Variants in ITGAL observed in about 807,000 individuals in gnomAD.
ITGAL encodes integrin alpha-L.
A neutral mutation model predicts 138.4 loss-of-function variants in ITGAL; 68 were observed. The observed-to-expected ratio is 0.49, with a 90% CI of 0.40 to 0.60. The LOEUF is 0.60. ITGAL is among the 20% of genes least tolerant of loss of function. The probability of loss-of-function intolerance (pLI) is 0.00; values close to 1 mark genes in which losing one functional copy is unlikely to be tolerated. For synonymous variants in ITGAL, 561 were observed against 584.3 expected, an observed-to-expected ratio of 0.96 and a Z score of 0.57; for missense variants, 1,256 against 1,478.6, an observed-to-expected ratio of 0.85 and a Z score of 2.47.
chr16:30,483,355 T>C (rs1289772892), intron 7 of ITGAL, among the ~76,000 whole-genome samples: 1 of 152,150 alleles, frequency 6.6e-6, no homozygotes, highest in Non-Finnish European at 1.5e-5. Context: ...TTCACTGCTA[T>C]GGTAGAGATC....
At position 30,522,307 on chromosome 16, in the gene ITGAL, T is replaced by G. The variant is rs2051265531; in HGVS notation, c.*642T>G. 6.6e-6 allele frequency: 1 copy of G among 152,596 alleles called. No individual in the cohort carries two copies. The highest frequency in any genetic ancestry group is 2.1e-4 in the South Asian group (1 of 4,822). 9.5% of individuals were successfully genotyped at this position (152,596 alleles called of 1,614,324 possible). A position where few individuals can be genotyped will look rare whatever the true frequency, so the allele number is the denominator to read the frequency against. On this transcript the variant is annotated 3_prime_UTR_variant, in exon 31 of 31. Transcript: ENST00000356798. The surrounding 1 kb of genome is among the most constrained non-coding windows in gnomAD (Gnocchi z 4.0). ...CAGGCTCCTTCCTGTCTTCCTGCATTCACCCAGACAGCTCCCTCTGCCTGA... is the reference window on the plus strand; with the variant it reads ...CAGGCTCCTTCCTGTCTTCCTGCATGCACCCAGACAGCTCCCTCTGCCTGA...
chr16:30,517,988 A>G, intron 28 of ITGAL, 93 bp downstream of exon 28: 1 of 973,572 alleles, frequency 1.0e-6, no homozygotes, highest in South Asian at 1.3e-5. Context: ...GTCTGCCTCC[A>G]TTTTTGTTTT....
At position 30,505,293 on chromosome 16, in the gene ITGAL, C is replaced by T; in HGVS notation, c.2285C>T (p.Thr762Ile). Residue 762 changes from threonine to isoleucine, a missense_variant, in exon 19 of 31, where the codon ACC becomes ATC. By Grantham distance (89) the Thr-to-Ile change is moderately conservative. This residue lies in a region of ITGAL where 867 missense variants were observed against 972.5 expected (regional missense o/e 0.89). Transcript: ENST00000356798. Reference sequence around the variant, plus strand: ...CTGAGACCCTCCCTGCACTCGGAAACCTGGGAGGTAAGAGGGGAGAAGGGG... The same window carrying T: ...CTGAGACCCTCCCTGCACTCGGAAATCTGGGAGGTAAGAGGGGAGAAGGGG... Reference protein sequence around the residue: ...PILRPSLHSETWEIPFEKNCG... With the variant: ...PILRPSLHSEIWEIPFEKNCG... 1.2e-6 allele frequency: 2 copies of T among 1,612,884 alleles called. No homozygotes were observed. Among genetic ancestry groups the T allele is most frequent in the Non-Finnish European group, 1.7e-6 (2 of 1,179,430 alleles).
intron 21 of ITGAL, 117 bp downstream of exon 21, chr16:30,506,973 G>C (rs1201761384): frequency 1.8e-6 from 2 of 1,108,672 alleles, no homozygotes; most frequent in Non-Finnish European, 2.6e-6. Context: ...GTGGACAGGG[G>C]TCTTAGGGTC....
chr16:30,519,520 T>G (rs1292494057), intron 29 of ITGAL, among the ~76,000 whole-genome samples: 4 of 152,050 alleles, frequency 2.6e-5, no homozygotes, highest in Non-Finnish European at 5.9e-5. Flanking sequence ...AGGGCAGGTT[T>G]GAAGAGCAGG....
chr16:30,493,375 G>A (rs539644467), intron 11 of ITGAL, among the ~76,000 whole-genome samples: 1 of 151,786 alleles, frequency 6.6e-6, no homozygotes, highest in African/African-American at 2.4e-5. Context: ...CCCCTCCCAG[G>A]TTCACATTCT....
intron 21 of ITGAL, among the ~76,000 whole-genome samples, chr16:30,507,980 C>T (rs1278731996): frequency 2.0e-5 from 3 of 152,034 alleles, no homozygotes; most frequent in African/African-American, 7.2e-5. Flanking sequence ...GCGATCTCGG[C>T]TCACTGCAAA....
chr16:30,481,011 A>G, intron 6 of ITGAL: 1 of 179,694 alleles, frequency 5.6e-6, no homozygotes, highest in Non-Finnish European at 1.2e-5. Flanking sequence ...AAGAAGAAGT[A>G]GAGTTTGGGG....
In ITGAL at chr16:30,512,285, G is replaced by A. The variant is rs542703986; in HGVS notation, c.2786+1149G>A. On this transcript the variant is annotated intron_variant, in intron 24 of 30. Coordinates refer to ENST00000356798, the MANE Select transcript of ITGAL (RefSeq NM_002209.3). The stretch of plus-strand genomic sequence containing the variant: ...AAAAAAACCTGTTACAGGTCTTCTC[G>A]CTTATAGAAAAGGAAACTTGGCCAG... Among the ~76,000 whole-genome samples the A allele has an allele frequency of 3.9e-5, 6 of 152,106 alleles. No individual in the cohort carries two copies. The South Asian group carries it at 1.0e-3, about 26-fold the overall frequency.
At chr16:30,490,582 C>G (rs1018129704) in intron 11 of ITGAL, among the ~76,000 whole-genome samples, 6 of 152,166 alleles carry the variant, frequency 3.9e-5, no homozygotes, top group African/African-American at 1.4e-4. Context: ...TGCCTACTCC[C>G]TCTTGGAACT....
chr16:30,505,271 A>G lies in ITGAL; in HGVS notation c.2263A>G (p.Arg755Gly). The G allele has an allele frequency of 6.2e-7, 1 of 1,611,804 alleles. No individual in the cohort carries two copies. Among genetic ancestry groups the G allele is most frequent in the Non-Finnish European group, 8.5e-7 (1 of 1,179,002 alleles). The change falls in exon 19 of 31, where the codon AGA (arginine) becomes GGA (glycine). Residue 755 changes from arginine (R) to glycine (G), a missense_variant. Coordinates refer to ENST00000356798, the MANE Select transcript of ITGAL (RefSeq NM_002209.3). Reference protein sequence around the residue: ...AQGKDIPPILRPSLHSETWEI... With the variant: ...AQGKDIPPILGPSLHSETWEI... ...GGGCAAGGACATACCGCCCATCCTG[A>G]GACCCTCCCTGCACTCGGAAACCTG... is the stretch of plus-strand genomic sequence containing the variant.
intron 21 of ITGAL, among the ~76,000 whole-genome samples, chr16:30,507,986 G>A (rs1017508235): frequency 6.6e-6 from 1 of 151,802 alleles, no homozygotes; most frequent in Non-Finnish European, 1.5e-5. Context: ...TCGGCTCACT[G>A]CAAACTCCAC....
In ITGAL at chr16:30,523,137, A is replaced by AAGCACAGTGCCT. The variant is rs1355815403; in HGVS notation, c.*1473_*1484dup. The stretch of plus-strand genomic sequence containing the variant: ...TCTGCTAACTTGGAGCCCCAGTGCC[A>AAGCACAGTGCCT]AGCACAGTGCCTGCATGTATTTATC... On this transcript the variant is annotated 3_prime_UTR_variant, in exon 31 of 31. Transcript: ENST00000356798. 6.6e-6 allele frequency: 1 copy of AAGCACAGTGCCT among 152,306 alleles called. No homozygotes were observed. Among genetic ancestry groups the AAGCACAGTGCCT allele is most frequent in the East Asian group, 1.9e-4 (1 of 5,198 alleles). The allele number at this position is 152,306 out of a possible 1,614,324, so 9.4% of individuals were successfully genotyped here.
intron 14 of ITGAL, 43 bp downstream of exon 14, chr16:30,496,337 C>T (rs1274223282): frequency 1.2e-6 from 2 of 1,604,920 alleles, no homozygotes; most frequent in Non-Finnish European, 1.7e-6. Flanking sequence ...TCTCAGGTGC[C>T]CTAAGCCCCC....
intron 30 of ITGAL, among the ~76,000 whole-genome samples, chr16:30,520,833 C>T (rs34837898): frequency 0.012 from 1,852 of 152,274 alleles, 41 homozygotes; most frequent in African/African-American, 0.042. Flanking sequence ...ACCTGTAATC[C>T]GAGCACTTTG....
chr16:30,481,212 G>A, intron 6 of ITGAL: 2 of 475,248 alleles, frequency 4.2e-6, no homozygotes, highest in Non-Finnish European at 7.6e-6. Context: ...CGGGTGTGGT[G>A]GCACGTGCCT....
At chr16:30,516,834 C>A in intron 25 of ITGAL, 139 bp from the exon 26 acceptor site, 1 of 708,222 alleles carries the variant, frequency 1.4e-6, no homozygotes. Context: ...TGCCCAGTCA[C>A]TGGACACTGC....
chr16:30,489,893 G>A (rs758401297), intron 11 of ITGAL, among the ~76,000 whole-genome samples: 3 of 151,238 alleles, frequency 2.0e-5, no homozygotes, highest in Non-Finnish European at 2.9e-5. Context: ...TGGAGATCAC[G>A]CAGCTGCGCA....
At chr16:30,489,781 CAA>C (rs751807737) in intron 11 of ITGAL, among the ~76,000 whole-genome samples, 2 of 151,762 alleles carry the variant, frequency 1.3e-5, no homozygotes, top group Non-Finnish European at 2.9e-5. Flanking sequence ...ACTAAAAATA[CAA>C]AAGTTAGCCA....
Sources: allele counts gnomAD v4.1 joint callset (sites outside exome capture counted in the v4.1 genomes callset), GRCh38; gene constraint gnomAD v4.1.1; regional missense constraint gnomAD v4.1.1; non-coding constraint Gnocchi (gnomAD v3.1); transcripts MANE v1.5; gene names NCBI Gene and HGNC (gene_info 2026-07-23, HGNC 2026-07-21).